Variants in DLG2 observed in about 807,000 individuals in gnomAD.
DLG2 encodes the protein disks large homolog 2.
DLG2 carries 45 observed loss-of-function variants against 132.5 expected under a neutral mutation model. The observed-to-expected ratio is 0.34, with a 90% CI of 0.27 to 0.44. The LOEUF is 0.44. DLG2 is among the 20% of genes least tolerant of loss of function. The pLI is 1.00. For synonymous variants in DLG2, 424 were observed against 419.6 expected (o/e 1.01, Z -0.13); for missense variants, 1,045 against 1,196.9 (o/e 0.87, Z 1.87).
At chr11:85,256,909 A>C (rs2152706723) in intron 4 of DLG2, among the ~76,000 whole-genome samples, 2 of 152,360 alleles carry the variant, frequency 1.3e-5, no homozygotes, top group Admixed American at 1.3e-4. Context: ...CACCTAATAT[A>C]GAATGTTGTA....
At chr11:84,420,364 G>A (rs567140508) in intron 7 of DLG2, among the ~76,000 whole-genome samples, 50 of 152,068 alleles carry the variant, frequency 3.3e-4, no homozygotes, top group Admixed American at 3.9e-4. Flanking sequence ...GGAAAACAGT[G>A]GAATTTGAAA....
At chr11:84,101,819 A>AT (rs2092551651) in intron 9 of DLG2, among the ~76,000 whole-genome samples, 1 of 152,122 alleles carries the variant, frequency 6.6e-6, no homozygotes, top group Non-Finnish European at 1.5e-5. Flanking sequence ...AGGCAAGCAG[A>AT]GATTGGGAGA....
intron 11 of DLG2, among the ~76,000 whole-genome samples, chr11:84,007,023 C>T (rs1325698092): frequency 6.6e-6 from 1 of 151,674 alleles, no homozygotes; most frequent in Non-Finnish European, 1.5e-5. Context: ...GTCAAGTGGG[C>T]ATTATTAGTA....
At chr11:83,519,473 A>G (rs1343938632) in intron 21 of DLG2, among the ~76,000 whole-genome samples, 4 of 152,116 alleles carry the variant, frequency 2.6e-5, no homozygotes, top group African/African-American at 9.7e-5. Flanking sequence ...TTTTTTATGT[A>G]TTTAGGTAAC....
intron 18 of DLG2, among the ~76,000 whole-genome samples, chr11:83,716,710 G>T (rs1024090812): frequency 2.6e-5 from 4 of 152,188 alleles, no homozygotes; most frequent in Non-Finnish European, 5.9e-5. Context: ...TTGGAAAAGA[G>T]ATTTTTTTTT....
At chr11:84,937,120 C>G (rs2048844786) in intron 6 of DLG2, among the ~76,000 whole-genome samples, 1 of 152,160 alleles carries the variant, frequency 6.6e-6, no homozygotes, top group African/African-American at 2.4e-5. Context: ...CCATTGCACT[C>G]CAGTCTGGGC....
chr11:85,620,452 T>C (rs2081619083), intron 2 of DLG2, among the ~76,000 whole-genome samples: 3 of 152,152 alleles, frequency 2.0e-5, no homozygotes, highest in Admixed American at 2.0e-4. Context: ...ATGATTAAGC[T>C]TAGTGAGGAA....
chr11:85,203,570 T>C (rs1445037169), intron 4 of DLG2, among the ~76,000 whole-genome samples: 1 of 151,966 alleles, frequency 6.6e-6, no homozygotes, highest in Non-Finnish European at 1.5e-5. Context: ...ATCAAAAAAA[T>C]GCCTAGGACC....
chr11:84,264,389 G>A (rs2097585270), intron 7 of DLG2, among the ~76,000 whole-genome samples: 1 of 152,124 alleles, frequency 6.6e-6, no homozygotes, highest in Admixed American at 6.6e-5. Flanking sequence ...ATTCTATAAA[G>A]CAAGGATACT....
intron 8 of DLG2, among the ~76,000 whole-genome samples, chr11:84,218,289 GAGAGAA>G (rs374780502): frequency 0.013 from 1,853 of 139,922 alleles, 34 homozygotes; most frequent in African/African-American, 0.048. Flanking sequence ...GAGAGAGAAA[GAGAGAA>G]AGAGAAAGAA....
chr11:84,306,912 C>T (rs572542134), intron 7 of DLG2, among the ~76,000 whole-genome samples: 1 of 152,240 alleles, frequency 6.6e-6, no homozygotes, highest in East Asian at 1.9e-4. Context: ...ATTAGTTCAG[C>T]CACTTTGGAA....
chr11:83,665,275 C>A (rs1464390938), intron 18 of DLG2, among the ~76,000 whole-genome samples: 1 of 152,114 alleles, frequency 6.6e-6, no homozygotes, highest in Non-Finnish European at 1.5e-5. Context: ...AGGAGAGAAG[C>A]AATGGGCTGT....
At chr11:83,605,293 T>C (rs1046014416) in intron 19 of DLG2, among the ~76,000 whole-genome samples, 1 of 152,220 alleles carries the variant, frequency 6.6e-6, no homozygotes, top group Non-Finnish European at 1.5e-5. Flanking sequence ...ATTCAATCTT[T>C]AAATCAAATT....
intron 6 of DLG2, among the ~76,000 whole-genome samples, chr11:84,685,880 G>C (rs1046413355): frequency 3.9e-5 from 6 of 152,076 alleles, no homozygotes; most frequent in African/African-American, 1.4e-4. Flanking sequence ...GTAGAGACGA[G>C]GTTTCACCGT....
chr11:84,752,539 TG>T (rs1337703375), intron 6 of DLG2, among the ~76,000 whole-genome samples: 1 of 151,468 alleles, frequency 6.6e-6, no homozygotes, highest in Admixed American at 6.6e-5. Flanking sequence ...CTAGATAACA[TG>T]GCTGCTTCTT....
intron 3 of DLG2, among the ~76,000 whole-genome samples, chr11:85,540,498 C>A (rs928943092): frequency 6.6e-6 from 1 of 152,180 alleles, no homozygotes; most frequent in Non-Finnish European, 1.5e-5. Context: ...TTCCATCCCC[C>A]TCTGGCCTCC....
intron 6 of DLG2, among the ~76,000 whole-genome samples, chr11:84,949,839 C>T (rs1260652799): frequency 6.6e-6 from 1 of 152,124 alleles, no homozygotes; most frequent in East Asian, 1.9e-4. Context: ...TCCTCCTCAA[C>T]CGACAGGATT....
intron 6 of DLG2, among the ~76,000 whole-genome samples, chr11:84,689,255 A>G (rs534395894): frequency 1.3e-5 from 2 of 152,214 alleles, no homozygotes; most frequent in East Asian, 3.9e-4. Flanking sequence ...TAAAATGCCT[A>G]ATGTCTTGTT....
At chr11:84,377,664 T>C (rs2098734642) in intron 7 of DLG2, among the ~76,000 whole-genome samples, 1 of 152,160 alleles carries the variant, frequency 6.6e-6, no homozygotes, top group Non-Finnish European at 1.5e-5. Flanking sequence ...TGAGGGTACA[T>C]TACATCGTAT....
Sources: gnomAD v4.1 joint callset for allele counts (sites outside exome capture counted in the v4.1 genomes callset) on GRCh38, gnomAD v4.1.1 for gene constraint, MANE v1.5 for transcripts, NCBI Gene and HGNC (gene_info 2026-07-23, HGNC 2026-07-21) for gene names.